The following ZFAND3 variants were observed in gnomAD, a reference collection of about 807,000 sequenced individuals.
The protein encoded by ZFAND3 is zinc finger AN1-type containing 3.
Under a neutral mutation model 29.6 loss-of-function variants are expected in ZFAND3, and 10 were observed. The ratio of observed to expected loss-of-function variants is 0.34; its 90% CI spans 0.21 to 0.57. The LOEUF (loss-of-function observed/expected upper bound fraction) is 0.57, where lower values mean the gene tolerates loss of function less well. ZFAND3 is among the 20% of genes least tolerant of loss of function. The pLI is 0.86. For synonymous variants in ZFAND3, 128 were observed against 112.6 expected, an observed-to-expected ratio of 1.14 and a Z score of -0.87; for missense variants, 230 against 304.5, an observed-to-expected ratio of 0.76 and a Z score of 1.82.
At chr6:38,085,822 A>G (rs1332219715) in intron 4 of ZFAND3, among the ~76,000 whole-genome samples, 1 of 152,208 alleles carries the variant, frequency 6.6e-6, no homozygotes, top group Non-Finnish European at 1.5e-5. Flanking sequence ...AGGACTATGC[A>G]GTTTAAAAAG....
rs748675513 is a variant in ZFAND3, at chr6:38,061,732, G to A, written c.252G>A (p.Pro84=). 1.2e-5 allele frequency: 19 copies of A among 1,614,018 alleles called. No individual in the cohort carries two copies. The highest frequency in any genetic ancestry group is 5.0e-5 in the Admixed American group (3 of 60,002). ...TTPTLSPSQQ[P]LPTELNVTSP... is the part of the protein sequence containing the mutation. ...CAACTCTTAGTCCCAGCCAGCAGCC[G>A]CTTCCGACAGAACTGAATGTAACTT... Residue 84 remains proline (P), a synonymous_variant, in exon 3 of 6, where the codon CCG becomes CCA. Coordinates refer to ENST00000287218, the MANE Select transcript of ZFAND3 (RefSeq NM_021943.3).
chr6:37,967,319 C>CAAATG (rs1451441190), intron 2 of ZFAND3, among the ~76,000 whole-genome samples: 18 of 152,212 alleles, frequency 1.2e-4, no homozygotes, highest in Admixed American at 1.1e-3. Context: ...CTGTAAGAGC[C>CAAATG]TCTTCAGGCA....
intron 2 of ZFAND3, among the ~76,000 whole-genome samples, chr6:38,054,170 C>A (rs1221126562): frequency 6.8e-6 from 1 of 146,356 alleles, no homozygotes; most frequent in Non-Finnish European, 1.5e-5. Flanking sequence ...CTCTTGAGCC[C>A]AGGAGTTTGA....
At chr6:37,901,526 G>A (rs1490995295) in intron 1 of ZFAND3, among the ~76,000 whole-genome samples, 6 of 152,148 alleles carry the variant, frequency 3.9e-5, no homozygotes, top group South Asian at 2.1e-4. Flanking sequence ...GAGGTAGGAG[G>A]AGGATTGCTT....
At chr6:37,887,331 GTAA>G (rs1464598505) in intron 1 of ZFAND3, among the ~76,000 whole-genome samples, 4 of 152,160 alleles carry the variant, frequency 2.6e-5, no homozygotes, top group African/African-American at 7.2e-5. Flanking sequence ...TATTAAATAT[GTAA>G]TAATCTTGAC....
intron 1 of ZFAND3, among the ~76,000 whole-genome samples, chr6:37,878,206 T>C (rs1764828874): frequency 6.6e-6 from 1 of 152,204 alleles, no homozygotes; most frequent in Non-Finnish European, 1.5e-5. Context: ...ACACAGTCAT[T>C]AGCTCAGCTT....
chr6:38,146,980 A>G (rs1766122466), intron 5 of ZFAND3, among the ~76,000 whole-genome samples: 2 of 152,164 alleles, frequency 1.3e-5, no homozygotes, highest in African/African-American at 2.4e-5. Flanking sequence ...AAATTCTGTT[A>G]CATGTATATA....
intron 2 of ZFAND3, among the ~76,000 whole-genome samples, chr6:38,047,434 T>C (rs1371541787): frequency 1.3e-5 from 2 of 152,200 alleles, no homozygotes; most frequent in Non-Finnish European, 2.9e-5. Flanking sequence ...TTCCTTTATC[T>C]GAGAGGGAAA....
At chr6:38,037,314 A>G (rs762161138) in intron 2 of ZFAND3, among the ~76,000 whole-genome samples, 9 of 152,206 alleles carry the variant, frequency 5.9e-5, no homozygotes, top group Non-Finnish European at 1.3e-4. Context: ...TGTCTCCCTG[A>G]TGTCTGATAC....
chr6:38,035,087 C>T (rs1265017803), intron 2 of ZFAND3, among the ~76,000 whole-genome samples: 1 of 151,570 alleles, frequency 6.6e-6, no homozygotes, highest in African/African-American at 2.4e-5. Flanking sequence ...AAATATAGGC[C>T]TGCTTTTCTT....
At chr6:37,868,576 G>A (rs760557367) in intron 1 of ZFAND3, among the ~76,000 whole-genome samples, 1 of 152,138 alleles carries the variant, frequency 6.6e-6, no homozygotes, top group Non-Finnish European at 1.5e-5. Context: ...CTTGTATGTG[G>A]TTATAGGAAG....
chr6:38,049,982 T>C, intron 2 of ZFAND3, among the ~76,000 whole-genome samples: 1 of 134,982 alleles, frequency 7.4e-6, no homozygotes, highest in East Asian at 2.2e-4. Flanking sequence ...GGAGACAGAG[T>C]CTCTCTCTGT....
At chr6:38,090,918 TCCCATTG>T (rs1764854626) in intron 4 of ZFAND3, among the ~76,000 whole-genome samples, 1 of 152,170 alleles carries the variant, frequency 6.6e-6, no homozygotes, top group Non-Finnish European at 1.5e-5. Context: ...GAGAGTTAGG[TCCCATTG>T]CCACCTACGT....
At chr6:38,090,823 G>A (rs1480644098) in intron 4 of ZFAND3, among the ~76,000 whole-genome samples, 1 of 152,116 alleles carries the variant, frequency 6.6e-6, no homozygotes, top group East Asian at 1.9e-4. Flanking sequence ...GTAAATAATA[G>A]GTGGGTTTAA....
intron 1 of ZFAND3, among the ~76,000 whole-genome samples, chr6:37,901,865 T>C (rs1367883334): frequency 6.6e-6 from 1 of 152,186 alleles, no homozygotes; most frequent in East Asian, 1.9e-4. Flanking sequence ...GGTTAAGTAC[T>C]GGAGAGACCT....
At chr6:37,863,680 T>C (rs1281785526) in intron 1 of ZFAND3, among the ~76,000 whole-genome samples, 1 of 152,122 alleles carries the variant, frequency 6.6e-6, no homozygotes, top group Non-Finnish European at 1.5e-5. Flanking sequence ...TAAGCAGTCA[T>C]GGCTTTGATT....
At chr6:37,985,301 A>G (rs566857929) in intron 2 of ZFAND3, among the ~76,000 whole-genome samples, 2 of 152,312 alleles carry the variant, frequency 1.3e-5, no homozygotes, top group African/African-American at 4.8e-5. Flanking sequence ...AAATAAAACA[A>G]ACATTTCTTT....
At chr6:37,912,148 A>G (rs185810418) in intron 1 of ZFAND3, among the ~76,000 whole-genome samples, 127 of 151,974 alleles carry the variant, frequency 8.4e-4, no homozygotes, top group Non-Finnish European at 1.5e-3. Flanking sequence ...AGGACTATCA[A>G]GATCCTCTGA....
chr6:38,038,223 G>C (rs1470902714), intron 2 of ZFAND3, among the ~76,000 whole-genome samples: 1 of 152,176 alleles, frequency 6.6e-6, no homozygotes, highest in Non-Finnish European at 1.5e-5. Context: ...AGTAGAAGTA[G>C]CTCTGTTAGA....
Sources: gnomAD v4.1 joint callset for allele counts (sites outside exome capture counted in the v4.1 genomes callset) on GRCh38, gnomAD v4.1.1 for gene constraint, MANE v1.5 for transcripts, NCBI Gene and HGNC (gene_info 2026-07-23, HGNC 2026-07-21) for gene names.